The following SIK3 variants were observed in gnomAD, a reference collection of about 807,000 sequenced individuals.
The protein encoded by SIK3 is serine/threonine-protein kinase SIK3.
Under a neutral mutation model 144.2 loss-of-function variants are expected in SIK3, and 28 were observed. That is an observed-to-expected ratio of 0.19 (90% CI 0.14 to 0.27). SIK3 has a LOEUF of 0.27. Ranked by LOEUF, SIK3 falls within the 10% of genes least tolerant of loss-of-function variation. SIK3 has a pLI of 1.00. For synonymous variants in SIK3, 686 were observed against 676.3 expected (o/e 1.01, Z -0.22); for missense variants, 1,319 against 1,776.0 (o/e 0.74, Z 4.62).
intron 6 of SIK3, among the ~76,000 whole-genome samples, chr11:116,894,711 T>C (rs1474220426): frequency 1.3e-5 from 2 of 152,210 alleles, no homozygotes; most frequent in Non-Finnish European, 2.9e-5. Context: ...GTTAAAATAA[T>C]GAAGTGAGTT....
chr11:116,944,883 C>T (rs11216193), intron 3 of SIK3, among the ~76,000 whole-genome samples: 11,075 of 152,182 alleles, frequency 0.073, 493 homozygotes, highest in Middle Eastern at 0.11. Flanking sequence ...TAAAACTTTT[C>T]ATAATACCTC....
intron 1 of SIK3, among the ~76,000 whole-genome samples, chr11:117,076,612 C>T (rs1231860929): frequency 1.3e-5 from 2 of 152,032 alleles, no homozygotes; most frequent in Non-Finnish European, 2.9e-5. Flanking sequence ...CTGCAACCTC[C>T]ACCTCCCGGG....
At chr11:116,919,452 A>G (rs1374117151) in intron 4 of SIK3, among the ~76,000 whole-genome samples, 1 of 152,208 alleles carries the variant, frequency 6.6e-6, no homozygotes, top group Non-Finnish European at 1.5e-5. Context: ...AACTAAAACA[A>G]TAACACGAGA....
intron 3 of SIK3, among the ~76,000 whole-genome samples, chr11:116,952,196 G>C (rs940608697): frequency 2.0e-5 from 3 of 152,016 alleles, no homozygotes; most frequent in African/African-American, 7.2e-5. Flanking sequence ...TTGTAAAAAG[G>C]TATCTTCCAG....
chr11:116,915,625 A>G (rs536880372), intron 4 of SIK3, among the ~76,000 whole-genome samples: 1 of 152,308 alleles, frequency 6.6e-6, no homozygotes, highest in East Asian at 1.9e-4. Context: ...TGGTATATAC[A>G]TATTTTGTGT....
intron 1 of SIK3, among the ~76,000 whole-genome samples, chr11:117,028,722 T>C (rs1354744966): frequency 6.6e-6 from 1 of 151,980 alleles, no homozygotes; most frequent in African/African-American, 2.4e-5. Flanking sequence ...CTGGGAGCCA[T>C]ATCAGGCATG....
In SIK3 at chr11:116,986,157, T is replaced by C. The variant is rs750467609; in HGVS notation, c.274-29093A>G. On this transcript the variant is annotated intron_variant, in intron 1 of 24. Coordinates refer to ENST00000445177, the MANE Select transcript of SIK3 (RefSeq NM_001366686.3). ...GAAGAACAATTTCTAAAAATTATAC[T>C]CTAAACTTCTGGTTTGTAGTGTCAG... Among the ~76,000 whole-genome samples the C allele has an allele frequency of 6.0e-4, 92 of 152,278 alleles. 1 individual carries two copies. The highest frequency in any genetic ancestry group is 7.4e-4 in the Non-Finnish European group (50 of 68,022).
chr11:116,962,346 C>T (rs1949378528), intron 1 of SIK3, among the ~76,000 whole-genome samples: 1 of 152,156 alleles, frequency 6.6e-6, no homozygotes, highest in African/African-American at 2.4e-5. Flanking sequence ...AGAGGATCTC[C>T]TTACACTGGT....
chr11:116,983,485 G>A (rs1950221579), intron 1 of SIK3, among the ~76,000 whole-genome samples: 1 of 149,482 alleles, frequency 6.7e-6, no homozygotes, highest in East Asian at 2.0e-4. Flanking sequence ...AGCCGAGATT[G>A]TGCCACTGCA....
At chr11:117,011,074 T>G (rs909132230) in intron 1 of SIK3, among the ~76,000 whole-genome samples, 1 of 152,032 alleles carries the variant, frequency 6.6e-6, no homozygotes, top group East Asian at 1.9e-4. Flanking sequence ...GAGCCAAGAT[T>G]GCGCCACTGC....
At chr11:116,852,751 G>A (rs1036277228) in intron 21 of SIK3, among the ~76,000 whole-genome samples, 1 of 152,202 alleles carries the variant, frequency 6.6e-6, no homozygotes, top group Non-Finnish European at 1.5e-5. Flanking sequence ...AGAATTATGA[G>A]GGACAATATA....
chr11:116,950,433 T>A (rs1031908263), intron 3 of SIK3, among the ~76,000 whole-genome samples: 1 of 152,222 alleles, frequency 6.6e-6, no homozygotes, highest in Non-Finnish European at 1.5e-5. Flanking sequence ...GGTTGTTATC[T>A]GACCTGAGAA....
intron 2 of SIK3, 79 bp downstream of exon 2, chr11:116,956,869 C>T: frequency 1.2e-6 from 1 of 807,068 alleles, no homozygotes; most frequent in South Asian, 2.6e-5. Flanking sequence ...TGTTCACCCA[C>T]CCACATTTCT....
chr11:116,905,107 C>T (rs551190650), intron 4 of SIK3: 35 of 159,710 alleles, frequency 2.2e-4, no homozygotes, highest in African/African-American at 7.7e-4. Context: ...CCCCAACACC[C>T]TTCAAGTCTT....
intron 6 of SIK3, among the ~76,000 whole-genome samples, chr11:116,880,548 G>C (rs2134606808): frequency 6.6e-6 from 1 of 152,298 alleles, no homozygotes. Context: ...ATGTGGTGCA[G>C]ATGGAAAATA....
chr11:117,006,132 A>G (rs1290786676), intron 1 of SIK3, among the ~76,000 whole-genome samples: 2 of 152,246 alleles, frequency 1.3e-5, no homozygotes, highest in African/African-American at 4.8e-5. Flanking sequence ...ATGAGTTTGA[A>G]TACACAGCCT....
intron 4 of SIK3, among the ~76,000 whole-genome samples, chr11:116,906,567 C>T (rs774274887): frequency 3.3e-5 from 5 of 152,020 alleles, no homozygotes; most frequent in African/African-American, 4.8e-5. Flanking sequence ...AGAGAGAAAG[C>T]GCGGCTAAAG....
chr11:117,043,612 G>A (rs540379364), intron 1 of SIK3, among the ~76,000 whole-genome samples: 22 of 152,102 alleles, frequency 1.4e-4, no homozygotes, highest in Non-Finnish European at 2.9e-4. Flanking sequence ...CCTCAACATT[G>A]CGTGACTATA....
At chr11:117,042,400 G>A (rs1348201931) in intron 1 of SIK3, among the ~76,000 whole-genome samples, 5 of 152,190 alleles carry the variant, frequency 3.3e-5, no homozygotes, top group South Asian at 2.1e-4. Context: ...GTGTTGTCTC[G>A]CTGCACATCT....
Sources: gnomAD v4.1 joint callset for allele counts (sites outside exome capture counted in the v4.1 genomes callset) on GRCh38, gnomAD v4.1.1 for gene constraint, MANE v1.5 for transcripts, NCBI Gene and HGNC (gene_info 2026-07-23, HGNC 2026-07-21) for gene names.